The following DPH6 variants were observed in gnomAD, a reference collection of about 807,000 sequenced individuals.
The protein encoded by DPH6 is diphthine--ammonia ligase.
In DPH6, 33 loss-of-function variants were observed where a neutral mutation model predicts 38.2. That is an observed-to-expected ratio of 0.86 (90% CI 0.65 to 1.15). The LOEUF is 1.15. Among genes scored for constraint, DPH6 ranks in the 50% most tolerant of loss-of-function variants. The pLI, the probability that DPH6 is intolerant of heterozygous loss-of-function variation, is 0.00. For synonymous variants in DPH6, 108 were observed against 103.0 expected (o/e 1.05, Z -0.30); for missense variants, 325 against 320.0 (o/e 1.02, Z -0.12).
intron 3 of DPH6, among the ~76,000 whole-genome samples, chr15:35,353,641 C>G (rs183226393): frequency 2.6e-5 from 4 of 152,100 alleles, no homozygotes; most frequent in East Asian, 1.9e-4. Flanking sequence ...TGGTCTATAT[C>G]TCTGTTTTGG....
chr15:35,166,908 T>G, the DPH6 span, among the ~76,000 whole-genome samples: 1,154 of 151,956 alleles, frequency 7.6e-3, 19 homozygotes, highest in African/African-American at 0.027. Context: ...AAAAGGAGCT[T>G]AAGAGAGATA....
chr15:35,442,586 G>A (rs2141060401), intron 5 of DPH6, among the ~76,000 whole-genome samples: 1 of 152,234 alleles, frequency 6.6e-6, no homozygotes, highest in East Asian at 1.9e-4. Flanking sequence ...AATGTTCATA[G>A]GAGCATTATT....
chr15:35,508,435 CAT>C (rs2054725370), intron 3 of DPH6, among the ~76,000 whole-genome samples: 1 of 152,098 alleles, frequency 6.6e-6, no homozygotes, highest in Non-Finnish European at 1.5e-5. Flanking sequence ...GAATGTAAAA[CAT>C]GTTACAACAT....
intron 3 of DPH6, among the ~76,000 whole-genome samples, chr15:35,508,038 T>C (rs981154802): frequency 1.3e-5 from 2 of 152,078 alleles, no homozygotes; most frequent in Admixed American, 6.5e-5. Flanking sequence ...TCGTATTTTC[T>C]GCCTCAAGAA....
At chr15:35,203,041 C>T in the DPH6 span, among the ~76,000 whole-genome samples, 1 of 151,620 alleles carries the variant, frequency 6.6e-6, no homozygotes, top group Non-Finnish European at 1.5e-5. Flanking sequence ...CATAGCTCTG[C>T]CAGGTATTTC....
intron 3 of DPH6, among the ~76,000 whole-genome samples, chr15:35,293,797 T>C (rs781009164): frequency 1.3e-5 from 2 of 152,226 alleles, no homozygotes; most frequent in African/African-American, 2.4e-5. Flanking sequence ...CCCTGACTGG[T>C]GCAGAATTAA....
In DPH6 at chr15:35,487,599, T is replaced by C. The variant is rs543162255; in HGVS notation, c.313-32779A>G. On this transcript the variant is annotated intron_variant, in intron 3 of 8. Transcript: ENST00000256538. Reference sequence around the variant, plus strand: ...GAGGCTGTGCAGAGCAGTGGGGCAGTAGGCCTGGCCCACAAAACCATTTTT... The same window carrying C: ...GAGGCTGTGCAGAGCAGTGGGGCAGCAGGCCTGGCCCACAAAACCATTTTT... 2.0e-5 allele frequency among the ~76,000 whole-genome samples: 3 copies of C among 152,356 alleles called. No homozygotes were observed. The South Asian group carries it at 6.2e-4, about 32-fold the overall frequency.
intron 3 of DPH6, among the ~76,000 whole-genome samples, chr15:35,247,605 T>C (rs1005636726): frequency 3.3e-5 from 5 of 152,170 alleles, no homozygotes; most frequent in African/African-American, 1.2e-4. Flanking sequence ...CTGCTTTCAG[T>C]TGGGAGAAGG....
chr15:35,418,672 T>C (rs1324835872), intron 5 of DPH6, among the ~76,000 whole-genome samples: 1 of 152,160 alleles, frequency 6.6e-6, no homozygotes, highest in East Asian at 1.9e-4. Flanking sequence ...TAATGCCTGT[T>C]TTATTTAATT....
intron 3 of DPH6, among the ~76,000 whole-genome samples, chr15:35,317,595 AAAAAAAAG>A (rs2052203961): frequency 6.6e-6 from 1 of 151,656 alleles, no homozygotes; most frequent in South Asian, 2.1e-4. Context: ...CTGGACAAAA[AAAAAAAAG>A]AAAAAAAGAA....
At chr15:35,180,551 C>A in the DPH6 span, among the ~76,000 whole-genome samples, 1 of 152,314 alleles carries the variant, frequency 6.6e-6, no homozygotes, top group African/African-American at 2.4e-5. Flanking sequence ...GCCTTGACCT[C>A]CTAGGCCCAA....
At chr15:35,399,310 T>C (rs952827227) in intron 6 of DPH6, among the ~76,000 whole-genome samples, 3 of 151,766 alleles carry the variant, frequency 2.0e-5, no homozygotes, top group Non-Finnish European at 4.4e-5. Flanking sequence ...AAAAATGACA[T>C]AAAAACAAGA....
the DPH6 span, among the ~76,000 whole-genome samples, chr15:35,162,208 T>C: frequency 6.9e-3 from 1,047 of 151,954 alleles, 19 homozygotes; most frequent in African/African-American, 0.024. Context: ...CCAAGCCTAG[T>C]TCCTTCATAA....
Position 35,467,761 on chromosome 15 carries a change from G to T in DPH6, c.313-12941C>A, listed in dbSNP as rs557516218. 7.7e-4 allele frequency among the ~76,000 whole-genome samples: 118 copies of T among 152,266 alleles called. 3 individuals are homozygous for T. The South Asian group carries it at 0.023, about 29-fold the overall frequency. ...GCCTTCTTGCGGAATACCTTGGAGG[G>T]ACCGGCCTGAGGCTGTTTTACACTT... On this transcript the variant is annotated intron_variant, in intron 3 of 8. Coordinates refer to ENST00000256538, the MANE Select transcript of DPH6 (RefSeq NM_080650.4).
intron 3 of DPH6, among the ~76,000 whole-genome samples, chr15:35,504,139 T>C (rs1339185361): frequency 6.6e-6 from 1 of 151,988 alleles, no homozygotes; most frequent in Non-Finnish European, 1.5e-5. Context: ...ATCTATCCAT[T>C]TTGCTTCTTT....
chr15:35,245,839 T>C (rs1445430256), intron 3 of DPH6, among the ~76,000 whole-genome samples: 1 of 152,210 alleles, frequency 6.6e-6, no homozygotes, highest in African/African-American at 2.4e-5. Context: ...AGAAGAAGGC[T>C]TAAGGAATAT....
chr15:35,454,930 A>C, intron 3 of DPH6, 110 bp from the exon 4 acceptor site: 1 of 709,848 alleles, frequency 1.4e-6, no homozygotes, highest in Non-Finnish European at 2.3e-6. Context: ...ACTACCTCAA[A>C]CCAGAGTAAT....
In DPH6 at chr15:35,454,729, A is replaced by T. The variant is rs569569140; in HGVS notation, c.386+18T>A. The T allele has an allele frequency of 1.3e-4, 212 of 1,588,952 alleles. 2 individuals carry two copies. In the South Asian group the frequency reaches 2.3e-3, roughly 17 times the overall value. On this transcript the variant is annotated intron_variant, in intron 4 of 8. Transcript: ENST00000256538. ...AAACACATACACTTTTAAAACTAACAAATTAATGTTTTCTTACACATTTTC... is the reference window on the plus strand; with the variant it reads ...AAACACATACACTTTTAAAACTAACTAATTAATGTTTTCTTACACATTTTC...
chr15:35,338,742 T>C lies in DPH6; in HGVS notation n.208-7665A>G, dbSNP rs1038132746. Among the ~76,000 whole-genome samples the C allele has an allele frequency of 1.1e-4, 17 of 152,216 alleles. 2 individuals are homozygous for C. The highest frequency in any genetic ancestry group is 2.6e-4 in the Admixed American group (4 of 15,278). Reference sequence around the variant, plus strand: ...AAAGACACATGCACACGTATGTTTATTGCGGCACTATTCACAATAGCAAAG... The same window carrying C: ...AAAGACACATGCACACGTATGTTTACTGCGGCACTATTCACAATAGCAAAG... On this transcript the variant is annotated intron_variant and non_coding_transcript_variant, in intron 3 of 3. Transcript: ENST00000558973.
Sources: allele counts gnomAD v4.1 joint callset (sites outside exome capture counted in the v4.1 genomes callset), GRCh38; gene constraint gnomAD v4.1.1; transcripts MANE v1.5; gene names NCBI Gene and HGNC (gene_info 2026-07-23, HGNC 2026-07-21).